The following DACH2 variants were observed in gnomAD, a reference collection of about 807,000 sequenced individuals.
DACH2 encodes dachshund homolog 2.
A neutral mutation model predicts 35.8 loss-of-function variants in DACH2; 17 were observed. The observed-to-expected ratio is 0.48, with a 90% confidence interval of 0.33 to 0.71. The LOEUF (loss-of-function observed/expected upper bound fraction) is 0.71, where lower values mean the gene tolerates loss of function less well. DACH2 is among the 30% of genes least tolerant of loss of function. The pLI, the probability that DACH2 is intolerant of heterozygous loss-of-function variation, is 0.02. For missense variants in DACH2, 469 were observed against 472.7 expected, an observed-to-expected ratio of 0.99 and a Z score of 0.07; for synonymous variants, 195 against 177.3, an observed-to-expected ratio of 1.10 and a Z score of -0.79.
intron 1 of DACH2, among the ~76,000 whole-genome samples, chrX:86,220,407 C>G (rs2032682690): frequency 9.0e-6 from 1 of 111,232 alleles, no homozygotes; most frequent in African/African-American, 3.3e-5. Context: ...TTGGCAACCA[C>G]CATTCTACTC....
intron 1 of DACH2, among the ~76,000 whole-genome samples, chrX:86,164,629 T>G (rs1400780628): frequency 6.3e-5 from 7 of 111,317 alleles, no homozygotes. Flanking sequence ...AAGGAGGGGG[T>G]CCAGCTTCAG....
chrX:86,629,461 T>C (rs2040173984), intron 3 of DACH2, among the ~76,000 whole-genome samples: 2 of 111,695 alleles, frequency 1.8e-5, no homozygotes, highest in Admixed American at 9.6e-5. Context: ...AATTTGTATA[T>C]AGTATTAATA....
chrX:86,345,409 C>T (rs1391623306), intron 1 of DACH2: 1 of 290,707 alleles, frequency 3.4e-6, no homozygotes, highest in Non-Finnish European at 6.6e-6. Context: ...TTTTTAAATT[C>T]CTTGCAGGAA....
intron 1 of DACH2, among the ~76,000 whole-genome samples, chrX:86,230,074 TTCAG>T (rs781672791): frequency 1.8e-5 from 2 of 111,118 alleles, no homozygotes; most frequent in South Asian, 7.7e-4. Flanking sequence ...CTTGTTCCCA[TTCAG>T]TATTATGTTG....
At chrX:86,233,111 T>C in intron 1 of DACH2, among the ~76,000 whole-genome samples, 1 of 111,632 alleles carries the variant, frequency 9.0e-6, no homozygotes, top group Non-Finnish European at 1.9e-5. Context: ...ATACTGCTTG[T>C]TCTCACTTAT....
chrX:86,342,979 T>C (rs192189416), intron 1 of DACH2, among the ~76,000 whole-genome samples: 180 of 111,479 alleles, frequency 1.6e-3, no homozygotes, highest in African/African-American at 5.6e-3. Context: ...GCACAATAAT[T>C]GTTTAAATTA....
intron 1 of DACH2, among the ~76,000 whole-genome samples, chrX:86,292,705 G>T (rs2034332665): frequency 9.0e-6 from 1 of 111,628 alleles, no homozygotes; most frequent in Non-Finnish European, 1.9e-5. Flanking sequence ...TTCAGGAGCA[G>T]GTTGTTCTGT....
intron 3 of DACH2, among the ~76,000 whole-genome samples, chrX:86,641,708 G>C (rs1488464846): frequency 1.8e-5 from 2 of 111,737 alleles, no homozygotes; most frequent in African/African-American, 6.5e-5. Flanking sequence ...TGAGGAAAAA[G>C]GGCGGGTAAC....
rs374321367 is a variant in DACH2, at chrX:86,464,813, A to G, written c.528-49466A>G. On this transcript the variant is annotated intron_variant, in intron 2 of 11. Coordinates refer to ENST00000373125, the MANE Select transcript of DACH2 (RefSeq NM_053281.3). ...AAAAACAGGAAGACTTACACAGAAG[A>G]AAAATGACTGAAAGTCAGTCTCTCA... 5.5e-4 allele frequency among the ~76,000 whole-genome samples: 62 copies of G among 112,598 alleles called. 1 individual carries two copies. The South Asian group carries it at 0.022, about 40-fold the overall frequency.
chrX:86,811,377 G>T (rs939587345), intron 7 of DACH2, among the ~76,000 whole-genome samples: 51 of 111,442 alleles, frequency 4.6e-4, no homozygotes, highest in African/African-American at 1.7e-3. Context: ...TAGGCTGCTT[G>T]CAATAGGAAA....
chrX:86,734,286 G>A (rs1160228043), intron 6 of DACH2, among the ~76,000 whole-genome samples: 1 of 110,483 alleles, frequency 9.1e-6, no homozygotes, highest in Non-Finnish European at 1.9e-5. Context: ...CCCCAATCTG[G>A]CATCATTTCT....
chrX:86,259,535 A>G (rs73516033), intron 1 of DACH2, among the ~76,000 whole-genome samples: 1 of 111,481 alleles, frequency 9.0e-6, no homozygotes, highest in African/African-American at 3.3e-5. Context: ...AATAAGAAAG[A>G]TTTGGAAACA....
At chrX:86,723,854 T>A (rs747587181) in intron 6 of DACH2, among the ~76,000 whole-genome samples, 6 of 110,815 alleles carry the variant, frequency 5.4e-5, no homozygotes, top group African/African-American at 1.0e-4. Flanking sequence ...GCTGAATTGA[T>A]CATTTTATCA....
chrX:86,758,550 T>C (rs2041850225), intron 7 of DACH2, among the ~76,000 whole-genome samples: 1 of 112,240 alleles, frequency 8.9e-6, no homozygotes. Context: ...GTTCATTTTA[T>C]TATTTATTTT....
chrX:86,397,075 G>A (rs2036310817), intron 2 of DACH2, among the ~76,000 whole-genome samples: 1 of 109,868 alleles, frequency 9.1e-6, no homozygotes, highest in South Asian at 3.9e-4. Context: ...TTGAGCAGTG[G>A]TTTGTAGTTC....
chrX:86,332,593 G>A (rs1478025839), intron 1 of DACH2, among the ~76,000 whole-genome samples: 1 of 99,714 alleles, frequency 1.0e-5, no homozygotes, highest in East Asian at 3.1e-4. Context: ...GAGTTCTTTA[G>A]AGAAATATTA....
chrX:86,622,379 T>C (rs143171059), intron 3 of DACH2, among the ~76,000 whole-genome samples: 1 of 111,643 alleles, frequency 9.0e-6, no homozygotes, highest in African/African-American at 3.3e-5. Flanking sequence ...AGGAAGTCAA[T>C]CTTCAATTTT....
chrX:86,698,354 T>A (rs1445748425), intron 5 of DACH2, among the ~76,000 whole-genome samples: 1 of 108,937 alleles, frequency 9.2e-6, no homozygotes, highest in African/African-American at 3.3e-5. Context: ...TTTGTTACCA[T>A]ACCAGTAGAC....
intron 3 of DACH2, among the ~76,000 whole-genome samples, chrX:86,598,670 A>G (rs2039743956): frequency 9.1e-6 from 1 of 109,729 alleles, no homozygotes; most frequent in Non-Finnish European, 1.9e-5. Flanking sequence ...TAACCCCTTT[A>G]TTTCTTTCCT....
Sources: gnomAD v4.1 joint callset for allele counts (sites outside exome capture counted in the v4.1 genomes callset) on GRCh38, gnomAD v4.1.1 for gene constraint, MANE v1.5 for transcripts, NCBI Gene and HGNC (gene_info 2026-07-23, HGNC 2026-07-21) for gene names.